The following CYB5R1 variants were observed in gnomAD, a reference collection of about 807,000 sequenced individuals.
CYB5R1 encodes the protein cytochrome b5 reductase 1.
CYB5R1 carries 32 observed loss-of-function variants against 37.4 expected under a neutral mutation model. The ratio of observed to expected loss-of-function variants is 0.86; its 90% CI spans 0.65 to 1.15. CYB5R1 has a LOEUF of 1.15. Ranked by LOEUF, CYB5R1 falls within the 50% of genes most tolerant of loss-of-function variation. CYB5R1 has a pLI of 0.00. For missense variants in CYB5R1, 345 were observed against 382.5 expected, an observed-to-expected ratio of 0.90 and a Z score of 0.82; for synonymous variants, 159 against 155.2, an observed-to-expected ratio of 1.02 and a Z score of -0.18.
chr1:202,962,485 G>A lies in CYB5R1; in HGVS notation c.*42C>T. The A allele has an allele frequency of 6.4e-7, 1 of 1,558,258 alleles. No individual in the cohort carries two copies. The highest frequency in any genetic ancestry group is 2.0e-5 in the Admixed American group (1 of 50,306). On this transcript the variant is annotated 3_prime_UTR_variant, in exon 9 of 9. Transcript: ENST00000367249. ...GCTTATAGTGCTTGAGTACTGATGGGGAACAACTGCAGCGAACAGCACCAG... is the reference window on the plus strand; with the variant it reads ...GCTTATAGTGCTTGAGTACTGATGGAGAACAACTGCAGCGAACAGCACCAG...
At chr1:202,965,840 C>T (rs1283987631) in intron 4 of CYB5R1, 47 bp downstream of exon 4, 5 of 1,348,724 alleles carry the variant, frequency 3.7e-6, no homozygotes, top group Admixed American at 3.5e-5. Flanking sequence ...CTACAAATCC[C>T]AGAAAGAATG....
rs147585446 is a variant in CYB5R1 at position 202,963,648 on chromosome 1, G to T, written c.639C>A (p.Ala213=). 2.1e-5 allele frequency: 34 copies of T among 1,605,758 alleles called. No homozygotes were observed. The highest frequency in any genetic ancestry group is 1.7e-4 in the Middle Eastern group (1 of 6,050). The change falls in exon 7 of 9, where the codon GCC becomes GCA. Residue 213 remains alanine, a synonymous_variant. Coordinates refer to ENST00000367249, the MANE Select transcript of CYB5R1 (RefSeq NM_016243.3). The stretch of plus-strand genomic sequence containing the variant: ...TGGAGGAAAACAAACCAACCTGGTT[G>T]GCAAAAAGCAGAAAGCACTGGGTTG... ...EDPTQCFLLF[A]NQTEKDIILR... is the part of the protein sequence containing the mutation.
At chr1:202,962,751 G>A in intron 8 of CYB5R1, 52 bp from the exon 9 acceptor site, 2 of 1,598,514 alleles carry the variant, frequency 1.3e-6, no homozygotes, top group Non-Finnish European at 1.7e-6. Context: ...ATGCTGGCAA[G>A]GGGGTGTGGT....
At chr1:202,964,495 G>A (rs948593961) in intron 6 of CYB5R1, 117 bp downstream of exon 6, 2 of 874,872 alleles carry the variant, frequency 2.3e-6, no homozygotes, top group African/African-American at 3.3e-5. Flanking sequence ...AGCATTGCTG[G>A]AAATCCCCTG....
Position 202,964,428 on chromosome 1 carries a change from A to AT in CYB5R1, c.559+183dup, listed in dbSNP as rs1054401804. On this transcript the variant is annotated intron_variant, in intron 6 of 8. Coordinates refer to ENST00000367249, the MANE Select transcript of CYB5R1 (RefSeq NM_016243.3). ...TGTTTCTCTAATTCCATCAGTTAAA[A>AT]TTTTTTTTGGTTTCTACCTGCTTAT... is the stretch of plus-strand genomic sequence containing the variant. 1.6e-4 allele frequency: 96 copies of AT among 591,618 alleles called. 4 individuals are homozygous for AT. In the South Asian group the frequency reaches 1.8e-3, roughly 11 times the overall value. The allele number at this position is 591,618 out of a possible 1,614,324, so 36.6% of individuals were successfully genotyped here. A position where few individuals can be genotyped will look rare whatever the true frequency, so the allele number is the denominator to read the frequency against.
chr1:202,964,513 A>G, intron 6 of CYB5R1, 99 bp downstream of exon 6: 1 of 930,772 alleles, frequency 1.1e-6, no homozygotes, highest in South Asian at 1.3e-5. Flanking sequence ...CTGATGAACA[A>G]CAGCTTGGCT....
chr1:202,966,684 G>C (rs1020320358), intron 2 of CYB5R1, 65 bp downstream of exon 2: 27 of 1,612,564 alleles, frequency 1.7e-5, no homozygotes, highest in Non-Finnish European at 2.3e-5. Flanking sequence ...CGTGGGTGCT[G>C]TACCCTCCAT....
chr1:202,966,323 G>C (rs1655091716), intron 3 of CYB5R1: 1 of 623,774 alleles, frequency 1.6e-6, no homozygotes, highest in Non-Finnish European at 2.8e-6. Context: ...AGACTGTTGA[G>C]TGTTAAAGCT....
At chr1:202,963,949 TA>T in intron 6 of CYB5R1, 1 of 435,532 alleles carries the variant, frequency 2.3e-6, no homozygotes, top group Non-Finnish European at 4.1e-6. Context: ...AAATCTTTCT[TA>T]GGAACTAATC....
intron 5 of CYB5R1, chr1:202,965,051 A>G (rs2102503878): frequency 4.9e-6 from 2 of 409,288 alleles, no homozygotes; most frequent in East Asian, 5.0e-5. Flanking sequence ...TCCCATGGGA[A>G]GGGCTGAAAG....
rs1297752405 is a variant in CYB5R1, at chr1:202,965,365, C to T, written c.475+6G>A. ...AGACAGGCTCAAGGAGAAGACAGGT[C>T]ATTACCTTTTCCAGTGTAAGTGAGC... On this transcript the variant is annotated splice_donor_region_variant and intron_variant, in intron 5 of 8. Coordinates refer to ENST00000367249, the MANE Select transcript of CYB5R1 (RefSeq NM_016243.3). The T allele has an allele frequency of 6.3e-7, 1 of 1,575,990 alleles. No homozygotes were observed. Among genetic ancestry groups the T allele is most frequent in the African/African-American group, 1.4e-5 (1 of 72,780 alleles).
chr1:202,963,466 G>T, intron 7 of CYB5R1, 176 bp downstream of exon 7: 2 of 604,000 alleles, frequency 3.3e-6, no homozygotes, highest in Non-Finnish European at 5.9e-6. Flanking sequence ...GAAGGAATTT[G>T]ATTCAGTGCT....
rs750354865 is a variant in CYB5R1, at chr1:202,962,511, G to A, written c.*16C>T. 1 of 1,593,300 alleles carries A rather than the reference G, an allele frequency of 6.3e-7. No individual in the cohort carries two copies. Among genetic ancestry groups the A allele is most frequent in the East Asian group, 2.2e-5 (1 of 44,646 alleles). On this transcript the variant is annotated 3_prime_UTR_variant, in exon 9 of 9. Transcript: ENST00000367249. ...GAACAACTGCAGCGAACAGCACCAGGGAAGCTGGAGGATGCTCAGTAGGTG... is the reference window on the plus strand; with the variant it reads ...GAACAACTGCAGCGAACAGCACCAGAGAAGCTGGAGGATGCTCAGTAGGTG...
chr1:202,963,359 A>T (rs1246368827), intron 7 of CYB5R1, 194 bp from the exon 8 acceptor site: 6 of 598,678 alleles, frequency 1.0e-5, no homozygotes, highest in South Asian at 8.3e-5. Flanking sequence ...TCTACACATT[A>T]TGAAGGAACA....
At chr1:202,967,108 C>T in intron 1 of CYB5R1, 83 bp downstream of exon 1, 1 of 1,522,740 alleles carries the variant, frequency 6.6e-7, no homozygotes, top group Non-Finnish European at 9.0e-7. Flanking sequence ...GGGTCGGCAG[C>T]GACAGCCCCT....
Position 202,966,520 on chromosome 1 carries a change from T to G in CYB5R1, c.238+8A>C. 4 of 1,614,024 alleles carry G rather than the reference T, an allele frequency of 2.5e-6. No individual in the cohort carries two copies. The highest frequency in any genetic ancestry group is 3.4e-6 in the Non-Finnish European group (4 of 1,179,924). Reference sequence around the variant, plus strand: ...CAGGGAAAGGAGCCCATTCCACACTTTCCTTACCCACAGGCAGCCCCAGAG... The same window carrying G: ...CAGGGAAAGGAGCCCATTCCACACTGTCCTTACCCACAGGCAGCCCCAGAG... On this transcript the variant is annotated splice_region_variant and intron_variant, in intron 3 of 8. Transcript: ENST00000367249.
intron 6 of CYB5R1, 119 bp from the exon 7 acceptor site, chr1:202,963,846 C>T: frequency 1.8e-6 from 1 of 550,266 alleles, no homozygotes; most frequent in Non-Finnish European, 3.1e-6. Flanking sequence ...CTCCATTTTC[C>T]TTTAGCATTC....
chr1:202,966,483 T>A (rs1319074866), intron 3 of CYB5R1, 45 bp downstream of exon 3: 3 of 1,602,264 alleles, frequency 1.9e-6, no homozygotes, highest in Non-Finnish European at 2.6e-6. Context: ...GGGAGTCACC[T>A]TCTGAGGATA....
chr1:202,966,406 G>T, intron 3 of CYB5R1, 122 bp downstream of exon 3: 1 of 1,162,886 alleles, frequency 8.6e-7, no homozygotes, highest in Non-Finnish European at 1.3e-6. Context: ...GCAGAGCCAA[G>T]TGGGGGAAGG....
Sources: gnomAD v4.1 joint callset for allele counts on GRCh38, gnomAD v4.1.1 for gene constraint, MANE v1.5 for transcripts, NCBI Gene and HGNC (gene_info 2026-07-23, HGNC 2026-07-21) for gene names.